The following ARHGAP24 variants were observed in gnomAD, a reference collection of about 807,000 sequenced individuals.
The protein encoded by ARHGAP24 is rho GTPase-activating protein 24.
In ARHGAP24, 50 loss-of-function variants were observed where a neutral mutation model predicts 76.4. The observed-to-expected ratio is 0.65, with a 90% CI of 0.52 to 0.83. ARHGAP24 has a LOEUF of 0.83. Ranked by LOEUF, ARHGAP24 falls within the 40% of genes least tolerant of loss-of-function variation. The pLI, the probability that ARHGAP24 is intolerant of heterozygous loss-of-function variation, is 0.00. For missense variants in ARHGAP24, 930 were observed against 914.2 expected (o/e 1.02, Z -0.22); for synonymous variants, 345 against 323.3 (o/e 1.07, Z -0.72).
At chr4:85,842,764 T>G (rs911277260) in intron 3 of ARHGAP24, among the ~76,000 whole-genome samples, 2 of 152,248 alleles carry the variant, frequency 1.3e-5, no homozygotes, top group African/African-American at 4.8e-5. Flanking sequence ...TAATGTGGTC[T>G]GCCAGCCAGC....
intron 1 of ARHGAP24, among the ~76,000 whole-genome samples, chr4:85,520,425 A>G (rs1422634806): frequency 6.6e-6 from 1 of 152,160 alleles, no homozygotes; most frequent in Non-Finnish European, 1.5e-5. Context: ...CTTATAGAAG[A>G]TAATGGGCAT....
intron 1 of ARHGAP24, among the ~76,000 whole-genome samples, chr4:85,485,546 A>G (rs1723017087): frequency 6.6e-6 from 1 of 150,836 alleles, no homozygotes; most frequent in African/African-American, 2.4e-5. Context: ...TTGAGAAAAG[A>G]TTTGGGAAGA....
intron 3 of ARHGAP24, among the ~76,000 whole-genome samples, chr4:85,920,311 T>C (rs1490672765): frequency 2.6e-5 from 4 of 152,154 alleles, no homozygotes; most frequent in African/African-American, 9.7e-5. Flanking sequence ...TATATATAAT[T>C]GTCTCTAAAG....
intron 2 of ARHGAP24, among the ~76,000 whole-genome samples, chr4:85,618,370 T>C (rs931655343): frequency 4.6e-5 from 7 of 152,168 alleles, no homozygotes; most frequent in African/African-American, 1.7e-4. Flanking sequence ...ACATTTTCTT[T>C]ATTCATTCAT....
At chr4:85,979,031 G>A (rs1245228541) in intron 8 of ARHGAP24, among the ~76,000 whole-genome samples, 19 of 152,138 alleles carry the variant, frequency 1.2e-4, no homozygotes, top group Non-Finnish European at 8.8e-5. Flanking sequence ...CACTTGTAGA[G>A]TTTCCCGTAG....
chr4:85,930,908 G>A (rs748715292), intron 4 of ARHGAP24: 2 of 1,613,362 alleles, frequency 1.2e-6, no homozygotes, highest in Admixed American at 3.3e-5. Context: ...CCAAAACCGG[G>A]TTCAGAACTT....
intron 3 of ARHGAP24, among the ~76,000 whole-genome samples, chr4:85,890,972 T>G (rs191427049): frequency 6.6e-6 from 1 of 152,244 alleles, no homozygotes; most frequent in Non-Finnish European, 1.5e-5. Flanking sequence ...CTAAAATCAA[T>G]GTAACAGTGA....
At chr4:85,543,461 G>A (rs1040849788) in intron 1 of ARHGAP24, among the ~76,000 whole-genome samples, 37 of 152,018 alleles carry the variant, frequency 2.4e-4, no homozygotes, top group South Asian at 6.2e-4. Flanking sequence ...TTGTGGGAGC[G>A]GGAAGAATGA....
chr4:85,930,244 C>T (rs1346152200), intron 4 of ARHGAP24: 22 of 985,322 alleles, frequency 2.2e-5, no homozygotes, highest in Non-Finnish European at 2.4e-5. Context: ...GGAATGGGCA[C>T]TCGACTGTTC....
chr4:85,608,188 A>G (rs4453927), intron 2 of ARHGAP24, among the ~76,000 whole-genome samples: 142,996 of 152,262 alleles, frequency 0.94, 67,227 homozygotes, highest in African/African-American at 0.98. Flanking sequence ...AAGGCAGAAA[A>G]GAGAGAAAAG....
At chr4:85,632,508 A>G (rs1721188823) in intron 2 of ARHGAP24, among the ~76,000 whole-genome samples, 1 of 152,046 alleles carries the variant, frequency 6.6e-6, no homozygotes, top group South Asian at 2.1e-4. Context: ...TTATATAATA[A>G]CAAGAACCTA....
At chr4:85,781,545 G>C (rs906106740) in intron 3 of ARHGAP24, among the ~76,000 whole-genome samples, 1 of 147,500 alleles carries the variant, frequency 6.8e-6, no homozygotes, top group Non-Finnish European at 1.5e-5. Flanking sequence ...GAAGACTTTT[G>C]TATTAGAAGC....
chr4:85,819,717 A>C (rs138014322), intron 3 of ARHGAP24, among the ~76,000 whole-genome samples: 7,013 of 152,186 alleles, frequency 0.046, 191 homozygotes, highest in Middle Eastern at 0.068. Context: ...TCAGGAGTTC[A>C]AGACCAGCCT....
At chr4:85,653,273 A>C (rs1224080613) in intron 2 of ARHGAP24, among the ~76,000 whole-genome samples, 1 of 152,178 alleles carries the variant, frequency 6.6e-6, no homozygotes, top group Admixed American at 6.6e-5. Context: ...TCTGAATATG[A>C]GTAATGTTAG....
chr4:85,722,869 T>G (rs1027073893), intron 3 of ARHGAP24, among the ~76,000 whole-genome samples: 15 of 152,212 alleles, frequency 9.9e-5, no homozygotes, highest in Non-Finnish European at 1.8e-4. Flanking sequence ...AAATGTATTT[T>G]TCCTATATTT....
chr4:85,889,868 T>C (rs1272899633), intron 3 of ARHGAP24, among the ~76,000 whole-genome samples: 2 of 152,192 alleles, frequency 1.3e-5, no homozygotes, highest in Admixed American at 6.5e-5. Flanking sequence ...ACATAAATCC[T>C]CTGAGTCCTG....
chr4:85,533,437 T>C (rs578086450), intron 1 of ARHGAP24, among the ~76,000 whole-genome samples: 1 of 152,304 alleles, frequency 6.6e-6, no homozygotes, highest in African/African-American at 2.4e-5. Flanking sequence ...TATATTGTCT[T>C]TATAGTCTAT....
chr4:85,584,507 G>C (rs1727761951), intron 2 of ARHGAP24, among the ~76,000 whole-genome samples: 1 of 151,140 alleles, frequency 6.6e-6, no homozygotes, highest in African/African-American at 2.4e-5. Flanking sequence ...CGAGTTAATG[G>C]GTGCAGCACA....
At chr4:85,864,531 G>A (rs1035264960) in intron 3 of ARHGAP24, among the ~76,000 whole-genome samples, 1 of 151,894 alleles carries the variant, frequency 6.6e-6, no homozygotes, top group East Asian at 1.9e-4. Flanking sequence ...CCTTTGGTTT[G>A]GCAAAGATAT....
Sources: gnomAD v4.1 joint callset for allele counts (sites outside exome capture counted in the v4.1 genomes callset) on GRCh38, gnomAD v4.1.1 for gene constraint, MANE v1.5 for transcripts, NCBI Gene and HGNC (gene_info 2026-07-23, HGNC 2026-07-21) for gene names.